The following GEMIN4 variants were observed in gnomAD, a reference collection of about 807,000 sequenced individuals.
GEMIN4 encodes gem nuclear organelle associated protein 4, also known as gem-associated protein 4.
In GEMIN4, 59 loss-of-function variants were observed where a neutral mutation model predicts 76.8. The observed-to-expected ratio is 0.77, with a 90% CI of 0.62 to 0.95. The LOEUF (loss-of-function observed/expected upper bound fraction) is 0.95. Ranked by LOEUF, GEMIN4 falls within the 40% of genes least tolerant of loss-of-function variation. The pLI, the probability that GEMIN4 is intolerant of heterozygous loss-of-function variation, is 0.00. For synonymous variants in GEMIN4, 562 were observed against 559.7 expected (o/e 1.00, Z -0.06); for missense variants, 1,311 against 1,318.9 (o/e 0.99, Z 0.09).
rs201463934 is a variant in GEMIN4, at chr17:746,996, G to A, written c.1047C>T (p.Cys349=). Residue 349 remains cysteine, a synonymous_variant, in exon 2 of 2, where the codon TGC becomes TGT. Coordinates refer to ENST00000319004, the MANE Select transcript of GEMIN4 (RefSeq NM_015721.3). This position sits in a 1 kb window ranked among gnomAD's most constrained non-coding sequence, Gnocchi z 4.3. The part of the protein sequence containing the change: ...QGTSYDSYRL[C]DSLTSFSQNA... ...TCTGGCTGAAGGAAGTCAGACTGTC[G>A]CACAGCCGGTAGCTGTCGTAACTTG... The A allele has an allele frequency of 4.0e-4, 647 of 1,612,648 alleles. 9 individuals carry two copies. In the Admixed American group the frequency reaches 8.0e-3, roughly 20 times the overall value.
chr17:748,832 AC>A (rs1335727841), intron 1 of GEMIN4: 1 of 201,564 alleles, frequency 5.0e-6, no homozygotes, highest in East Asian at 1.8e-4. Flanking sequence ...GATAATGGGC[AC>A]AGCAGCAATC....
At chr17:754,183 CTA>C (rs948975363), upstream of GEMIN4, 2 of 152,192 alleles carry the variant, frequency 1.3e-5, no homozygotes, top group Non-Finnish European at 2.9e-5. Context: ...ATATGGATGT[CTA>C]TGTGGGATTT....
In GEMIN4 at chr17:752,229, G is replaced by C. The variant is rs1904768069; in HGVS notation, c.-87C>G. On this transcript the variant is annotated 5_prime_UTR_variant, in exon 1 of 2. Coordinates refer to ENST00000319004, the MANE Select transcript of GEMIN4 (RefSeq NM_015721.3). The stretch of plus-strand genomic sequence containing the variant: ...GCGCGGGACGCACGGCACGATGGGA[G>C]ACGCAGGAGCCACGGCGGCCGCGCT... The C allele has an allele frequency of 1.6e-6, 2 of 1,229,076 alleles. No homozygotes were observed. The highest frequency in any genetic ancestry group is 1.6e-5 in the African/African-American group (1 of 64,306). 76.1% of individuals were successfully genotyped at this position (1,229,076 alleles called of 1,614,324 possible). A position where few individuals can be genotyped will look rare whatever the true frequency, so the allele number is the denominator to read the frequency against.
At position 752,113 on chromosome 17, in the gene GEMIN4, C is replaced by T; in HGVS notation, c.10+20G>A. 6 of 1,233,374 alleles carry T rather than the reference C, an allele frequency of 4.9e-6. No individual in the cohort carries two copies. Among genetic ancestry groups the T allele is most frequent in the East Asian group, 3.1e-5 (1 of 31,970 alleles). The allele number at this position is 1,233,374 out of a possible 1,614,324, so 76.4% of individuals were successfully genotyped here. On this transcript the variant is annotated intron_variant, in intron 1 of 1. Coordinates refer to ENST00000319004, the MANE Select transcript of GEMIN4 (RefSeq NM_015721.3). ...CGCATTGCTGGACGCAGCCCGGGGCCGGGGAGCCGCGGCACCCACCTAGGT... is the reference window on the plus strand; with the variant it reads ...CGCATTGCTGGACGCAGCCCGGGGCTGGGGAGCCGCGGCACCCACCTAGGT...
Position 747,379 on chromosome 17 carries a change from C to G in GEMIN4, c.664G>C (p.Gly222Arg), listed in dbSNP as rs766227506. ...TMPLLAMLLR[G>R]LTQIQSRILG... Reference sequence around the variant, plus strand: ...ATCCGACTCTGGATCTGTGTCAGCCCGCGGAGCAGCATGGCCAACAGGGGC... The same window carrying G: ...ATCCGACTCTGGATCTGTGTCAGCCGGCGGAGCAGCATGGCCAACAGGGGC... Residue 222 changes from glycine (G) to arginine (R), a missense_variant, in exon 2 of 2, where the codon GGG (glycine) becomes CGG (arginine). Gly to Arg is a moderately radical substitution (Grantham distance 125). Transcript: ENST00000319004. 6.2e-7 allele frequency: 1 copy of G among 1,613,760 alleles called. No homozygotes were observed. Among genetic ancestry groups the G allele is most frequent in the Admixed American group, 1.7e-5 (1 of 60,026 alleles).
At position 746,406 on chromosome 17, in the gene GEMIN4, A is replaced by G. The variant is rs1249175486; in HGVS notation, c.1637T>C (p.Val546Ala). ...SASEQGLAKA[V>A]ASVARLVIVH... ...TATGACCAGGCGGGCCACGGAGGCCACAGCTTTTGCCAAGCCCTGTTCGGA... is the reference window on the plus strand; with the variant it reads ...TATGACCAGGCGGGCCACGGAGGCCGCAGCTTTTGCCAAGCCCTGTTCGGA... The change falls in exon 2 of 2, where the codon GTG (valine) becomes GCG (alanine). Residue 546 changes from valine to alanine, a missense_variant. Transcript: ENST00000319004. This position sits in a 1 kb window ranked among gnomAD's most constrained non-coding sequence, Gnocchi z 4.3. The G allele has an allele frequency of 1.2e-6, 2 of 1,613,944 alleles. No individual in the cohort carries two copies. The highest frequency in any genetic ancestry group is 2.2e-5 in the South Asian group (2 of 91,084).
Position 746,810 on chromosome 17 carries a change from G to C in GEMIN4, c.1233C>G (p.Ile411Met). Residue 411 changes from isoleucine (I) to methionine (M), a missense_variant, in exon 2 of 2, where the codon ATC becomes ATG. Coordinates refer to ENST00000319004, the MANE Select transcript of GEMIN4 (RefSeq NM_015721.3). The surrounding 1 kb of genome is among the most constrained non-coding windows in gnomAD (Gnocchi z 4.3). ...CCATATGGCGGTCCATCTTCTGCTG[G>C]ATGACGGCCATGGCAATGGAAGCTG... ...DITASIAMAV[I>M]QQKMDRHMEV... The C allele has an allele frequency of 3.7e-6, 6 of 1,613,844 alleles. No individual in the cohort carries two copies. Among genetic ancestry groups the C allele is most frequent in the Non-Finnish European group, 5.1e-6 (6 of 1,179,848 alleles).
chr17:749,787 C>T (rs1233553853), intron 1 of GEMIN4: 1 of 990,934 alleles, frequency 1.0e-6, no homozygotes, highest in East Asian at 1.1e-4. Flanking sequence ...ATCAGACAAG[C>T]CCTGCCTTCA....
In GEMIN4 at chr17:744,496, A is replaced by C; in HGVS notation, c.*370T>G. 1 of 181,984 alleles carries C rather than the reference A, an allele frequency of 5.5e-6. No individual in the cohort carries two copies. Among genetic ancestry groups the C allele is most frequent in the Non-Finnish European group, 1.1e-5 (1 of 87,342 alleles). The allele number at this position is 181,984 out of a possible 1,614,324, so 11.3% of individuals were successfully genotyped here. Reference sequence around the variant, plus strand: ...TTGGGCTTATTTGCCAAAATCTAGGATGGAAAAGTCCAGTTATGAACATGT... The same window carrying C: ...TTGGGCTTATTTGCCAAAATCTAGGCTGGAAAAGTCCAGTTATGAACATGT... On this transcript the variant is annotated 3_prime_UTR_variant, in exon 2 of 2. Transcript: ENST00000319004.
upstream of GEMIN4, chr17:753,679 A>G (rs1904869877): frequency 6.6e-6 from 1 of 152,458 alleles, no homozygotes; most frequent in African/African-American, 2.4e-5. Flanking sequence ...TACACAGACT[A>G]ACTTTTTGTA....
At position 747,608 on chromosome 17, in the gene GEMIN4, C is replaced by T; in HGVS notation, c.435G>A (p.Leu145=). ...CAGAAGTGTCAACGGTCACATGTTCCAGAAAGCGCTCTAGTTCTGCATGGC... is the reference window on the plus strand; with the variant it reads ...CAGAAGTGTCAACGGTCACATGTTCTAGAAAGCGCTCTAGTTCTGCATGGC... The part of the protein sequence containing the change: ...TICHAELERF[L]EHVTVDTSAE... The change falls in exon 2 of 2, where the codon CTG becomes CTA. Residue 145 remains leucine (L), a synonymous_variant. Transcript: ENST00000319004. 1 of 1,613,952 alleles carries T rather than the reference C, an allele frequency of 6.2e-7. No homozygotes were observed. The highest frequency in any genetic ancestry group is 8.5e-7 in the Non-Finnish European group (1 of 1,179,888).
At chr17:750,780 G>A (rs1000477423) in intron 1 of GEMIN4, among the ~76,000 whole-genome samples, 5 of 152,176 alleles carry the variant, frequency 3.3e-5, no homozygotes, top group African/African-American at 9.7e-5. Context: ...AGCGGCAGCA[G>A]GCCAAGGGCT....
Position 746,236 on chromosome 17 carries a change from T to G in GEMIN4, c.1807A>C (p.Met603Leu), listed in dbSNP as rs746728929. The change falls in exon 2 of 2, where the codon ATG becomes CTG. Residue 603 changes from methionine (M) to leucine (L), a missense_variant. Physicochemically the swap from Met to Leu is conservative, Grantham distance 15. Transcript: ENST00000319004. This position sits in a 1 kb window ranked among gnomAD's most constrained non-coding sequence, Gnocchi z 4.3. ...ACGGTTTCTTTGAGGCATGACACCA[T>G]GAAAGTGGCAGATGAATTGGGACCC... ...EQGPNSSATF[M>L]VSCLKETVWM... is the part of the protein sequence containing the mutation. 1 of 1,613,776 alleles carries G rather than the reference T, an allele frequency of 6.2e-7. No homozygotes were observed. Among genetic ancestry groups the G allele is most frequent in the East Asian group, 2.2e-5 (1 of 44,878 alleles).
At chr17:750,627 C>T (rs1466095006) in intron 1 of GEMIN4, among the ~76,000 whole-genome samples, 2 of 152,216 alleles carry the variant, frequency 1.3e-5, no homozygotes, top group Non-Finnish European at 2.9e-5. Context: ...TCCCCTTTCC[C>T]AGGAGTGAGA....
chr17:748,246 T>G, intron 1 of GEMIN4: 1 of 551,338 alleles, frequency 1.8e-6, no homozygotes, highest in Non-Finnish European at 3.2e-6. Flanking sequence ...GCCTGGGAAC[T>G]GGGAGGCCAC....
chr17:744,847 C>A lies in GEMIN4; in HGVS notation c.*19G>T. Reference sequence around the variant, plus strand: ...CTTCTGCAGACCCGCCATGTTGGGGCCCAGCTCCCCACGCCAAGTCAGAAG... The same window carrying A: ...CTTCTGCAGACCCGCCATGTTGGGGACCAGCTCCCCACGCCAAGTCAGAAG... On this transcript the variant is annotated 3_prime_UTR_variant, in exon 2 of 2. Transcript: ENST00000319004. 6.3e-7 allele frequency: 1 copy of A among 1,594,344 alleles called. No homozygotes were observed. Among genetic ancestry groups the A allele is most frequent in the South Asian group, 1.1e-5 (1 of 88,736 alleles).
In GEMIN4 at chr17:744,583, G is replaced by A. The variant is rs1974315135; in HGVS notation, c.*283C>T. The A allele has an allele frequency of 3.2e-6, 1 of 313,110 alleles. No individual in the cohort carries two copies. Among genetic ancestry groups the A allele is most frequent in the Admixed American group, 4.6e-5 (1 of 21,804 alleles). The allele number at this position is 313,110 out of a possible 1,614,324, so 19.4% of individuals were successfully genotyped here. On this transcript the variant is annotated 3_prime_UTR_variant, in exon 2 of 2. Coordinates refer to ENST00000319004, the MANE Select transcript of GEMIN4 (RefSeq NM_015721.3). ...CCAATTTCAGAGCATATTTAATCCT[G>A]GGCTATTGCTGAGGCCGACTTAGAA... is the stretch of plus-strand genomic sequence containing the variant.
Position 746,295 on chromosome 17 carries a change from G to C in GEMIN4, c.1748C>G (p.Thr583Ser). Reference sequence around the variant, plus strand: ...CACAAACCTAAGGGCAGGGAAGGCAGTGAGAATCTGGGCCAGGAACTTGTG... The same window carrying C: ...CACAAACCTAAGGGCAGGGAAGGCACTGAGAATCTGGGCCAGGAACTTGTG... ...GTHKFLAQIL[T>S]AFPALRFVEE... Residue 583 changes from threonine (T) to serine (S), a missense_variant, in exon 2 of 2, where the codon ACT becomes AGT. By Grantham distance (58) the Thr-to-Ser change is moderately conservative (BLOSUM62 1). Coordinates refer to ENST00000319004, the MANE Select transcript of GEMIN4 (RefSeq NM_015721.3). The surrounding 1 kb of genome is among the most constrained non-coding windows in gnomAD (Gnocchi z 4.3). 1 of 1,613,816 alleles carries C rather than the reference G, an allele frequency of 6.2e-7. No individual in the cohort carries two copies. The highest frequency in any genetic ancestry group is 8.5e-7 in the Non-Finnish European group (1 of 1,179,892).
chr17:752,425 C>G (rs1436915530), upstream of GEMIN4, among the ~76,000 whole-genome samples: 1 of 152,204 alleles, frequency 6.6e-6, no homozygotes, highest in African/African-American at 2.4e-5. Flanking sequence ...GTCCCCTGCC[C>G]GGCCCCTCTT....
Sources: allele counts gnomAD v4.1 joint callset (sites outside exome capture counted in the v4.1 genomes callset), GRCh38; gene constraint gnomAD v4.1.1; non-coding constraint Gnocchi (gnomAD v3.1); transcripts MANE v1.5; gene names NCBI Gene and HGNC (gene_info 2026-07-23, HGNC 2026-07-21).